The following BPIFA3 variants were observed in gnomAD, a reference collection of about 807,000 sequenced individuals.
BPIFA3 encodes the protein BPI fold-containing family A member 3.
A neutral mutation model predicts 29.7 loss-of-function variants in BPIFA3; 32 were observed. The ratio of observed to expected loss-of-function variants is 1.08; its 90% CI spans 0.81 to 1.45. The LOEUF (loss-of-function observed/expected upper bound fraction) is 1.45. BPIFA3 is among the 40% of genes most tolerant of loss of function. The probability of loss-of-function intolerance (pLI) is 0.00; values close to 1 mark genes in which losing one functional copy is unlikely to be tolerated. For missense variants in BPIFA3, 323 were observed against 311.3 expected (o/e 1.04, Z -0.28); for synonymous variants, 112 against 113.7 (o/e 0.98, Z 0.10).
At chr20:33,220,717 A>T (rs1054080581) in intron 1 of BPIFA3, among the ~76,000 whole-genome samples, 1 of 152,078 alleles carries the variant, frequency 6.6e-6, no homozygotes, top group Non-Finnish European at 1.5e-5. Context: ...AGCCTTGCTG[A>T]CCTCTTATAT....
At position 33,224,446 on chromosome 20, in the gene BPIFA3, G is replaced by T. The variant is rs777143955; in HGVS notation, c.370G>T (p.Asp124Tyr). The change falls in exon 3 of 7, where the codon GAC becomes TAC. Residue 124 changes from aspartate to tyrosine, a missense_variant. By Grantham distance (160) the Asp-to-Tyr change is radical. Coordinates refer to ENST00000375454, the MANE Select transcript of BPIFA3 (RefSeq NM_178466.5). ...CTCGGCAAATATCTCACTTGAATTTGACCTTGAATTGAGACCGTGAGTCAT... is the reference window on the plus strand; with the variant it reads ...CTCGGCAAATATCTCACTTGAATTTTACCTTGAATTGAGACCGTGAGTCAT... ...WFSANISLEF[D>Y]LELRPSFDNN... The T allele has an allele frequency of 2.1e-5, 34 of 1,613,432 alleles. No homozygotes were observed. The East Asian group carries it at 7.6e-4, about 36-fold the overall frequency.
rs1985674412 is a variant in BPIFA3 at position 33,224,377 on chromosome 20, C to T, written c.301C>T (p.Leu101=). The change falls in exon 3 of 7, where the codon CTG becomes TTG. Residue 101 remains leucine (L), a synonymous_variant. Coordinates refer to ENST00000375454, the MANE Select transcript of BPIFA3 (RefSeq NM_178466.5). ...CAGCATCAACATCACCAACATTCAG[C>T]TGGACTGTGGTGGGATCCAGATATC... The part of the protein sequence containing the change: ...ESSINITNIQ[L]DCGGIQISFH... 1 of 1,614,128 alleles carries T rather than the reference C, an allele frequency of 6.2e-7. No homozygotes were observed. Among genetic ancestry groups the T allele is most frequent in the East Asian group, 2.2e-5 (1 of 44,884 alleles).
Position 33,223,803 on chromosome 20 carries a change from A to G in BPIFA3, c.128-8A>G, listed in dbSNP as rs1043428271. 2 of 1,610,258 alleles carry G rather than the reference A, an allele frequency of 1.2e-6. No individual in the cohort carries two copies. The highest frequency in any genetic ancestry group is 1.3e-5 in the African/African-American group (1 of 74,976). Reference sequence around the variant, plus strand: ...TGTGCAAAGTCAGTGGTCCTTGTGCATTTCCAGTTATTGCTCAGGGCCTCA... The same window carrying G: ...TGTGCAAAGTCAGTGGTCCTTGTGCGTTTCCAGTTATTGCTCAGGGCCTCA... On this transcript the variant is annotated splice_polypyrimidine_tract_variant and splice_region_variant and intron_variant, in intron 1 of 6. Coordinates refer to ENST00000375454, the MANE Select transcript of BPIFA3 (RefSeq NM_178466.5).
At chr20:33,226,564 T>TGTCTAAGGTCACACAGTA in intron 5 of BPIFA3, 74 bp downstream of exon 5, 4 of 955,516 alleles carry the variant, frequency 4.2e-6, no homozygotes, top group Non-Finnish European at 1.6e-6. Flanking sequence ...ACTGGCAATT[T>TGTCTAAGGTCACACAGTA]AGCAAAGGAT....
chr20:33,225,383 A>T (rs1049346837), intron 4 of BPIFA3, 136 bp downstream of exon 4: 1 of 1,273,096 alleles, frequency 7.9e-7, no homozygotes, highest in Non-Finnish European at 1.1e-6. Flanking sequence ...TCCTCCTCCC[A>T]TGTTCCCATC....
intron 1 of BPIFA3, among the ~76,000 whole-genome samples, chr20:33,220,339 A>G (rs1985454598): frequency 6.6e-6 from 1 of 152,054 alleles, no homozygotes; most frequent in Non-Finnish European, 1.5e-5. Context: ...CAGAGCTTGC[A>G]GTGAGTGGAG....
rs902946637 is a variant in BPIFA3, at chr20:33,227,622, T to C, written c.*5T>C. On this transcript the variant is annotated 3_prime_UTR_variant, in exon 7 of 7. Coordinates refer to ENST00000375454, the MANE Select transcript of BPIFA3 (RefSeq NM_178466.5). ...GCTGGAGAGTCCCCCAGCTGACTTCTGCTGATCAGAAGGAAAGTCCACATC... is the reference window on the plus strand; with the variant it reads ...GCTGGAGAGTCCCCCAGCTGACTTCCGCTGATCAGAAGGAAAGTCCACATC... 6.2e-7 allele frequency: 1 copy of C among 1,612,570 alleles called. No homozygotes were observed.
At chr20:33,227,424 G>C in intron 6 of BPIFA3, 114 bp from the exon 7 acceptor site, 1 of 851,322 alleles carries the variant, frequency 1.2e-6, no homozygotes, top group East Asian at 2.4e-5. Context: ...GGGTTTTCAC[G>C]TGAACGCTCC....
At chr20:33,227,079 GGCCTGCTAAGGGGC>G in intron 6 of BPIFA3, 86 bp downstream of exon 6, 1 of 1,184,278 alleles carries the variant, frequency 8.4e-7, no homozygotes, top group Admixed American at 1.7e-5. Context: ...CCCCCAGGGA[GGCCTGCTAAGGGGC>G]GTCTGCATGT....
At chr20:33,217,340 T>G, upstream of BPIFA3, 2 of 574,280 alleles carry the variant, frequency 3.5e-6, no homozygotes, top group Non-Finnish European at 2.9e-6. Context: ...GGGTTCCACA[T>G]GTTGCTCTCC....
intron 1 of BPIFA3, among the ~76,000 whole-genome samples, chr20:33,218,083 G>C (rs1369684977): frequency 6.6e-6 from 1 of 152,278 alleles, no homozygotes; most frequent in South Asian, 2.1e-4. Context: ...GCACTATGCT[G>C]TTGACATCTA....
chr20:33,225,586 A>G, intron 4 of BPIFA3: 1 of 262,112 alleles, frequency 3.8e-6, no homozygotes, highest in South Asian at 7.3e-5. Flanking sequence ...CTCCCCTCCT[A>G]CACTCCATTC....
At chr20:33,227,097 T>C (rs1034090887) in intron 6 of BPIFA3, 104 bp downstream of exon 6, 1 of 955,798 alleles carries the variant, frequency 1.0e-6, no homozygotes, top group Non-Finnish European at 1.7e-6. Context: ...AAGGGGCGTC[T>C]GCATGTGCCG....
At position 33,217,650 on chromosome 20, in the gene BPIFA3, C is replaced by G. The variant is rs1405815766; in HGVS notation, c.114C>G (p.Ser38=). 1.1e-5 allele frequency: 18 copies of G among 1,613,480 alleles called. No homozygotes were observed. Among genetic ancestry groups the G allele is most frequent in the Non-Finnish European group, 1.4e-5 (17 of 1,179,820 alleles). Residue 38 remains serine, a synonymous_variant, in exon 1 of 7, where the codon TCC becomes TCG. Transcript: ENST00000375454. Reference sequence around the variant, plus strand: ...CCCAAGCCCACAGAGACAACAAATCCACCCTGGCAAGAAGTAAGCTAAGCC... The same window carrying G: ...CCCAAGCCCACAGAGACAACAAATCGACCCTGGCAAGAAGTAAGCTAAGCC... ...GLAQAHRDNK[S]TLARIIAQGL...
chr20:33,218,244 A>G (rs1985352272), intron 1 of BPIFA3, among the ~76,000 whole-genome samples: 1 of 152,218 alleles, frequency 6.6e-6, no homozygotes. Context: ...TCCCTGTTAC[A>G]GCCTGTGGGA....
intron 1 of BPIFA3, 100 bp downstream of exon 1, chr20:33,217,763 A>G (rs757304508): frequency 1.4e-5 from 20 of 1,392,708 alleles, no homozygotes; most frequent in Non-Finnish European, 1.9e-5. Context: ...ACTTCAGGTT[A>G]GTCACTTTCC....
rs56018803 is a variant in BPIFA3 at position 33,222,554 on chromosome 20, A to AGATGGATGGATG, written c.128-1216_128-1205dup. Among the ~76,000 whole-genome samples, 85 of 129,420 alleles carry AGATGGATGGATG rather than the reference A, an allele frequency of 6.6e-4. 1 individual carries two copies. Among genetic ancestry groups the AGATGGATGGATG allele is most frequent in the African/African-American group, 2.1e-3 (60 of 27,984 alleles). 84.9% of individuals were successfully genotyped at this position (129,420 alleles called of 152,430 possible). ...TGGATAAATGGATGGATAGATGGAC[A>AGATGGATGGATG]GATGGATGGATGGATGGATGGATGG... On this transcript the variant is annotated intron_variant, in intron 1 of 6. Transcript: ENST00000375454.
At chr20:33,218,640 G>A (rs1031330115) in intron 1 of BPIFA3, among the ~76,000 whole-genome samples, 2 of 152,144 alleles carry the variant, frequency 1.3e-5, no homozygotes, top group Non-Finnish European at 2.9e-5. Context: ...CAGAGAAAGA[G>A]ATCTGTTTCT....
At chr20:33,226,527 T>G (rs772998590) in intron 5 of BPIFA3, 37 bp downstream of exon 5, 20 of 1,419,864 alleles carry the variant, frequency 1.4e-5, no homozygotes, top group Admixed American at 3.5e-5. Context: ...TGAGCATCCT[T>G]GAGTCCGAGG....
Sources: allele counts gnomAD v4.1 joint callset (sites outside exome capture counted in the v4.1 genomes callset), GRCh38; gene constraint gnomAD v4.1.1; transcripts MANE v1.5; gene names NCBI Gene and HGNC (gene_info 2026-07-23, HGNC 2026-07-21).